The following NDUFAF2 variants were observed in gnomAD, a reference collection of about 807,000 sequenced individuals.
The protein encoded by NDUFAF2 is NADH dehydrogenase [ubiquinone] 1 alpha subcomplex assembly factor 2.
In NDUFAF2, 13 loss-of-function variants were observed where a neutral mutation model predicts 22.8. The ratio of observed to expected loss-of-function variants is 0.57; its 90% CI spans 0.37 to 0.91. The LOEUF (loss-of-function observed/expected upper bound fraction) is 0.91, where lower values mean the gene tolerates loss of function less well. NDUFAF2 is among the 40% of genes least tolerant of loss of function. NDUFAF2 has a pLI of 0.01. For missense variants in NDUFAF2, 162 were observed against 195.2 expected (o/e 0.83, Z 1.01); for synonymous variants, 53 against 64.2 (o/e 0.83, Z 0.84).
intron 2 of NDUFAF2, among the ~76,000 whole-genome samples, chr5:61,084,446 C>T (rs1201399278): frequency 6.6e-6 from 1 of 152,114 alleles, no homozygotes; most frequent in African/African-American, 2.4e-5. Flanking sequence ...ACTGAAACTT[C>T]ATGCCCATTG....
intron 2 of NDUFAF2, among the ~76,000 whole-genome samples, chr5:61,086,018 C>T (rs1752501886): frequency 6.6e-6 from 1 of 151,884 alleles, no homozygotes; most frequent in Non-Finnish European, 1.5e-5. Flanking sequence ...ACTCAAGAGC[C>T]TGAGATGGGA....
At chr5:61,106,591 T>C (rs1752766323) in intron 3 of NDUFAF2, among the ~76,000 whole-genome samples, 2 of 151,358 alleles carry the variant, frequency 1.3e-5, no homozygotes, top group Admixed American at 1.3e-4. Flanking sequence ...ATACAATAAA[T>C]TATTGACTGT....
intron 3 of NDUFAF2, among the ~76,000 whole-genome samples, chr5:61,151,839 C>T (rs1273064927): frequency 6.6e-6 from 1 of 151,966 alleles, no homozygotes; most frequent in Non-Finnish European, 1.5e-5. Flanking sequence ...AACAACAAAA[C>T]ACAGAAGGAA....
At chr5:61,068,807 T>A (rs1752260458) in intron 1 of NDUFAF2, among the ~76,000 whole-genome samples, 1 of 152,160 alleles carries the variant, frequency 6.6e-6, no homozygotes, top group Non-Finnish European at 1.5e-5. Flanking sequence ...AGCCCTTGTA[T>A]TTTACCAACC....
At chr5:61,088,100 A>C (rs1228483766) in intron 2 of NDUFAF2, among the ~76,000 whole-genome samples, 2 of 152,160 alleles carry the variant, frequency 1.3e-5, no homozygotes, top group Admixed American at 1.3e-4. Flanking sequence ...TGCTGTTGTA[A>C]GACTGAGAGC....
intron 1 of NDUFAF2, among the ~76,000 whole-genome samples, chr5:60,972,174 C>T (rs1450667359): frequency 6.6e-6 from 1 of 151,726 alleles, no homozygotes; most frequent in Non-Finnish European, 1.5e-5. Flanking sequence ...AACTCCTGAC[C>T]TCGTGATCTG....
intron 3 of NDUFAF2, among the ~76,000 whole-genome samples, chr5:61,120,756 A>G (rs969542049): frequency 2.4e-4 from 37 of 152,126 alleles, no homozygotes; most frequent in African/African-American, 8.9e-4. Context: ...AGTCACTAAG[A>G]CAAGTCTCAT....
At chr5:61,142,621 T>C (rs1224316497) in intron 3 of NDUFAF2, among the ~76,000 whole-genome samples, 1 of 152,240 alleles carries the variant, frequency 6.6e-6, no homozygotes, top group East Asian at 1.9e-4. Context: ...GACATTGATT[T>C]GGCAGAGGCG....
intron 3 of NDUFAF2, among the ~76,000 whole-genome samples, chr5:61,149,308 A>G (rs1381642693): frequency 6.6e-6 from 1 of 152,156 alleles, no homozygotes; most frequent in Admixed American, 6.5e-5. Context: ...TCACCTTGTA[A>G]TACATAACTA....
In NDUFAF2 at chr5:60,995,726, A is replaced by G. The variant is rs76197672; in HGVS notation, c.127+50344A>G. 5.7e-3 allele frequency among the ~76,000 whole-genome samples: 868 copies of G among 152,348 alleles called. 20 individuals are homozygous for G. In the South Asian group the frequency reaches 0.065, roughly 11 times the overall value. On this transcript the variant is annotated intron_variant, in intron 1 of 3. Coordinates refer to ENST00000296597, the MANE Select transcript of NDUFAF2 (RefSeq NM_174889.5). ...GTACTCAAGGCCCTGGGGCTCTTCA[A>G]TCAGCAGGTGAAAGCCAGCCAAGGC...
intron 3 of NDUFAF2, among the ~76,000 whole-genome samples, chr5:61,127,398 G>A (rs906839198): frequency 6.6e-6 from 1 of 152,024 alleles, no homozygotes; most frequent in Non-Finnish European, 1.5e-5. Context: ...TAAAATACTG[G>A]CAAACTGAAT....
At chr5:60,986,273 A>G (rs943541270) in intron 1 of NDUFAF2, among the ~76,000 whole-genome samples, 1 of 152,206 alleles carries the variant, frequency 6.6e-6, no homozygotes, top group Non-Finnish European at 1.5e-5. Flanking sequence ...ACTGGATAAA[A>G]TGTGGTACAT....
intron 3 of NDUFAF2, among the ~76,000 whole-genome samples, chr5:61,100,970 G>A (rs2111770156): frequency 6.6e-6 from 1 of 152,092 alleles, no homozygotes; most frequent in East Asian, 1.9e-4. Flanking sequence ...CCAAATTTTA[G>A]CTTTCCAGTT....
At chr5:61,081,447 C>T (rs1026421833) in intron 2 of NDUFAF2, among the ~76,000 whole-genome samples, 1 of 152,046 alleles carries the variant, frequency 6.6e-6, no homozygotes, top group Non-Finnish European at 1.5e-5. Context: ...AGGGATACAA[C>T]AAAAAAGTGT....
At chr5:60,961,230 C>T (rs777649757) in intron 1 of NDUFAF2, among the ~76,000 whole-genome samples, 43 of 152,100 alleles carry the variant, frequency 2.8e-4, no homozygotes, top group Non-Finnish European at 3.8e-4. Context: ...GAGGCCAAGG[C>T]GGGTGCATCA....
intron 2 of NDUFAF2, among the ~76,000 whole-genome samples, chr5:61,082,452 A>G (rs1351789037): frequency 1.3e-5 from 2 of 151,940 alleles, no homozygotes; most frequent in Non-Finnish European, 2.9e-5. Flanking sequence ...CAGGGGTTCC[A>G]TGTGCATGTT....
At chr5:61,121,273 A>T (rs1321695590) in intron 3 of NDUFAF2, among the ~76,000 whole-genome samples, 1 of 152,124 alleles carries the variant, frequency 6.6e-6, no homozygotes, top group Non-Finnish European at 1.5e-5. Flanking sequence ...TCCTTCTCAA[A>T]TTTATATTCT....
intron 1 of NDUFAF2, among the ~76,000 whole-genome samples, chr5:60,997,483 A>G (rs968075013): frequency 5.9e-5 from 9 of 152,352 alleles, no homozygotes; most frequent in East Asian, 1.9e-4. Flanking sequence ...TCAAACAGGT[A>G]TGATAAAGAT....
intron 1 of NDUFAF2, among the ~76,000 whole-genome samples, chr5:60,998,994 G>C (rs1751262865): frequency 6.6e-6 from 1 of 151,924 alleles, no homozygotes; most frequent in South Asian, 2.1e-4. Flanking sequence ...TGGAATTGGA[G>C]GCTTTCAGGG....
Sources: allele counts gnomAD v4.1 joint callset (sites outside exome capture counted in the v4.1 genomes callset), GRCh38; gene constraint gnomAD v4.1.1; transcripts MANE v1.5; gene names NCBI Gene and HGNC (gene_info 2026-07-23, HGNC 2026-07-21).